SGCZ: variants seen among roughly 807,000 people sequenced by gnomAD.
SGCZ encodes the protein sarcoglycan zeta.
SGCZ carries 40 observed loss-of-function variants against 41.3 expected under a neutral mutation model. The ratio of observed to expected loss-of-function variants is 0.97; its 90% CI spans 0.75 to 1.26. SGCZ has a LOEUF of 1.26. Ranked by LOEUF, SGCZ falls within the 50% of genes most tolerant of loss-of-function variation. SGCZ has a pLI of 0.00. For missense variants in SGCZ, 552 were observed against 369.8 expected (o/e 1.49, Z -4.04); for synonymous variants, 206 against 137.5 (o/e 1.50, Z -3.49).
chr8:14,136,436 C>A (rs978631650), intron 5 of SGCZ, among the ~76,000 whole-genome samples: 2 of 152,128 alleles, frequency 1.3e-5, no homozygotes, highest in Admixed American at 1.3e-4. Context: ...AAAATTGGGA[C>A]ACTCCTGCCC....
intron 2 of SGCZ, among the ~76,000 whole-genome samples, chr8:14,494,813 T>C (rs181340617): frequency 3.5e-4 from 54 of 152,308 alleles, no homozygotes; most frequent in African/African-American, 1.3e-3. Context: ...TAGCCTGCAG[T>C]GGCTGTCTGA....
intron 1 of SGCZ, among the ~76,000 whole-genome samples, chr8:15,108,137 T>C (rs1022600865): frequency 6.6e-6 from 1 of 152,214 alleles, no homozygotes; most frequent in Non-Finnish European, 1.5e-5. Flanking sequence ...ATTTTTATCT[T>C]GATTAATTTA....
intron 4 of SGCZ, among the ~76,000 whole-genome samples, chr8:14,213,222 A>T (rs569248430): frequency 6.6e-6 from 1 of 152,258 alleles, no homozygotes; most frequent in South Asian, 2.1e-4. Context: ...AAAGAGAATA[A>T]ACTCAAGGAA....
At chr8:15,083,556 G>A (rs2168126) in intron 1 of SGCZ, among the ~76,000 whole-genome samples, 120,218 of 151,306 alleles carry the variant, frequency 0.79, 48,022 homozygotes, top group Non-Finnish European at 0.84. Context: ...ATTCAATGTT[G>A]TTATTATTAT....
intron 1 of SGCZ, among the ~76,000 whole-genome samples, chr8:14,977,759 G>A (rs1402738708): frequency 1.3e-5 from 2 of 151,990 alleles, no homozygotes; most frequent in Admixed American, 6.6e-5. Context: ...AGACCTCTTA[G>A]GGATGAAACT....
intron 1 of SGCZ, among the ~76,000 whole-genome samples, chr8:14,728,526 T>C (rs1810133768): frequency 6.6e-6 from 1 of 152,082 alleles, no homozygotes; most frequent in East Asian, 1.9e-4. Flanking sequence ...TTATGAATAG[T>C]AAAATAATGG....
intron 5 of SGCZ, among the ~76,000 whole-genome samples, chr8:14,115,869 C>T (rs1802507588): frequency 6.6e-6 from 1 of 151,900 alleles, no homozygotes; most frequent in Non-Finnish European, 1.5e-5. Context: ...AAGCTCTTCA[C>T]CACTATTTAG....
intron 1 of SGCZ, among the ~76,000 whole-genome samples, chr8:14,853,181 A>G (rs1414727889): frequency 6.6e-6 from 1 of 152,238 alleles, no homozygotes; most frequent in Non-Finnish European, 1.5e-5. Context: ...AAATGTCTGC[A>G]TGGAATCCCA....
chr8:14,964,726 C>T (rs1801076298), intron 1 of SGCZ, among the ~76,000 whole-genome samples: 1 of 152,110 alleles, frequency 6.6e-6, no homozygotes, highest in South Asian at 2.1e-4. Context: ...AAAAGCAGCT[C>T]CTTGCAGTCC....
chr8:15,061,530 TAA>T (rs56690396), intron 1 of SGCZ, among the ~76,000 whole-genome samples: 1 of 142,018 alleles, frequency 7.0e-6, no homozygotes, highest in Non-Finnish European at 1.5e-5. Context: ...TTACAGTATA[TAA>T]AAAAAAAAAA....
At chr8:14,881,376 C>T (rs1804582294) in intron 1 of SGCZ, among the ~76,000 whole-genome samples, 1 of 152,074 alleles carries the variant, frequency 6.6e-6, no homozygotes. Flanking sequence ...GACCCCCATA[C>T]ACCATGTCGG....
intron 2 of SGCZ, among the ~76,000 whole-genome samples, chr8:14,523,060 G>C (rs1020417737): frequency 6.6e-6 from 1 of 151,938 alleles, no homozygotes; most frequent in Non-Finnish European, 1.5e-5. Context: ...TTTGAATGAA[G>C]TGTGGAAAAC....
chr8:14,413,766 C>G (rs1450145482), intron 2 of SGCZ, among the ~76,000 whole-genome samples: 6 of 151,926 alleles, frequency 3.9e-5, no homozygotes, highest in Admixed American at 3.9e-4. Context: ...TAAAAACACA[C>G]CCACATTCTA....
chr8:14,091,099 T>C (rs1035112233), intron 7 of SGCZ, among the ~76,000 whole-genome samples: 7 of 151,970 alleles, frequency 4.6e-5, no homozygotes, highest in Non-Finnish European at 1.0e-4. Flanking sequence ...TGGTTTTCTT[T>C]TCTTGTTTTA....
At chr8:15,047,977 C>T (rs1393637346) in intron 1 of SGCZ, among the ~76,000 whole-genome samples, 2 of 151,962 alleles carry the variant, frequency 1.3e-5, no homozygotes, top group African/African-American at 2.4e-5. Flanking sequence ...AGCAACCCCA[C>T]TACTGGATAT....
At chr8:14,827,918 T>C (rs923525684) in intron 1 of SGCZ, among the ~76,000 whole-genome samples, 1 of 152,120 alleles carries the variant, frequency 6.6e-6, no homozygotes, top group Non-Finnish European at 1.5e-5. Flanking sequence ...CAAGGGATCT[T>C]CAAATCATTC....
intron 1 of SGCZ, among the ~76,000 whole-genome samples, 191 bp downstream of exon 1, chr8:15,237,394 C>G (rs1802169220): frequency 6.6e-6 from 1 of 152,152 alleles, no homozygotes; most frequent in African/African-American, 2.4e-5. Flanking sequence ...CAGCCTGGCT[C>G]GGGAGAACCA....
chr8:14,766,899 T>C (rs892339608), intron 1 of SGCZ, among the ~76,000 whole-genome samples: 1 of 151,366 alleles, frequency 6.6e-6, no homozygotes, highest in Non-Finnish European at 1.5e-5. Flanking sequence ...TAATAGAATT[T>C]TTATTAAACT....
At chr8:14,908,431 A>G (rs781130642) in intron 1 of SGCZ, among the ~76,000 whole-genome samples, 8 of 152,126 alleles carry the variant, frequency 5.3e-5, no homozygotes, top group Non-Finnish European at 1.0e-4. Context: ...AAATAGATAA[A>G]TGGGCAAGTT....
Sources: allele counts gnomAD v4.1 joint callset (sites outside exome capture counted in the v4.1 genomes callset), GRCh38; gene constraint gnomAD v4.1.1; transcripts MANE v1.5; gene names NCBI Gene and HGNC (gene_info 2026-07-23, HGNC 2026-07-21).